The following TBC1D16 variants were observed in gnomAD, a reference collection of about 807,000 sequenced individuals.
TBC1D16 encodes CTD-2529O21.1.
TBC1D16 carries 58 observed loss-of-function variants against 74.7 expected under a neutral mutation model. The ratio of observed to expected loss-of-function variants is 0.78; its 90% CI spans 0.63 to 0.97. The LOEUF is 0.97. TBC1D16 is among the 50% of genes least tolerant of loss of function. TBC1D16 has a pLI of 0.00. For synonymous variants in TBC1D16, 493 were observed against 474.7 expected, an observed-to-expected ratio of 1.04 and a Z score of -0.50; for missense variants, 1,014 against 1,079.5, an observed-to-expected ratio of 0.94 and a Z score of 0.85.
chr17:79,947,797 C>T lies in TBC1D16; in HGVS notation c.1576G>A (p.Ala526Thr), dbSNP rs768293403. The change falls in exon 9 of 12, where the codon GCC becomes ACC. Residue 526 changes from alanine (A) to threonine (T), a missense_variant. Physicochemically the swap from Ala to Thr is moderately conservative, Grantham distance 58. Transcript: ENST00000310924. ...ILLNYAVYNP[A>T]VGYSQGMSDL... ...GACATCCCTTGGGAATAGCCGACGG[C>T]AGGGTTGTACACGGCGTAGTTCAGC... The T allele has an allele frequency of 6.2e-7, 1 of 1,613,732 alleles. No individual in the cohort carries two copies. Among genetic ancestry groups the T allele is most frequent in the South Asian group, 1.1e-5 (1 of 91,086 alleles).
chr17:79,955,243 G>A (rs2033282751), intron 3 of TBC1D16, among the ~76,000 whole-genome samples: 1 of 152,142 alleles, frequency 6.6e-6, no homozygotes, highest in Non-Finnish European at 1.5e-5. Flanking sequence ...ACCTCAGTTC[G>A]CTTTCATTGG....
chr17:79,960,255 A>G (rs2033532814), intron 3 of TBC1D16, among the ~76,000 whole-genome samples: 1 of 152,200 alleles, frequency 6.6e-6, no homozygotes, highest in South Asian at 2.1e-4. Flanking sequence ...AAGGTCCTCA[A>G]AACAGTAATA....
At chr17:80,030,561 T>G (rs2036740805) in intron 1 of TBC1D16, among the ~76,000 whole-genome samples, 1 of 152,070 alleles carries the variant, frequency 6.6e-6, no homozygotes, top group South Asian at 2.1e-4. Context: ...CTCCTGGAGG[T>G]AGCCTGGAGC....
rs2032920667 is a variant in TBC1D16 at position 79,950,072 on chromosome 17, G to A, written c.1258-207C>T. On this transcript the variant is annotated intron_variant, in intron 6 of 11. Coordinates refer to ENST00000310924, the MANE Select transcript of TBC1D16 (RefSeq NM_019020.4). This position sits in a 1 kb window ranked among gnomAD's most constrained non-coding sequence, Gnocchi z 4.6. Reference sequence around the variant, plus strand: ...TCATTTCAATGTCAATGCCCCCCCTGGGGTGGCGCTCAGATTAACGTGTCG... The same window carrying A: ...TCATTTCAATGTCAATGCCCCCCCTAGGGTGGCGCTCAGATTAACGTGTCG... Among the ~76,000 whole-genome samples, 1 of 152,162 alleles carries A rather than the reference G, an allele frequency of 6.6e-6. No individual in the cohort carries two copies. Among genetic ancestry groups the A allele is most frequent in the Admixed American group, 6.5e-5 (1 of 15,272 alleles).
chr17:80,023,657 G>GCCCCCCC (rs200450567), intron 1 of TBC1D16, among the ~76,000 whole-genome samples: 10 of 144,246 alleles, frequency 6.9e-5, no homozygotes, highest in African/African-American at 2.8e-4. Context: ...CTGCTGCCGG[G>GCCCCCCC]CCCCCCCCCA....
Position 79,942,209 on chromosome 17 carries a change from G to T in TBC1D16, c.1909-3C>A. The T allele has an allele frequency of 6.3e-7, 1 of 1,585,374 alleles. No homozygotes were observed. On this transcript the variant is annotated splice_region_variant and splice_polypyrimidine_tract_variant and intron_variant, in intron 10 of 11. Coordinates refer to ENST00000310924, the MANE Select transcript of TBC1D16 (RefSeq NM_019020.4). ...ATGAAAAGGTGGAAGTAGTCCGTCT[G>T]TGGAGGCGGGTAGAGTTCAGACACG...
intron 3 of TBC1D16, among the ~76,000 whole-genome samples, chr17:79,978,290 G>A (rs940965062): frequency 6.6e-5 from 10 of 152,372 alleles, no homozygotes; most frequent in African/African-American, 1.4e-4. Context: ...CAGGGTCTCC[G>A]CTCCGGCGAT....
rs1568580519 is a variant in TBC1D16 at position 79,950,656 on chromosome 17, A to G, written c.1090-78T>C. On this transcript the variant is annotated intron_variant, in intron 5 of 11. Transcript: ENST00000310924. This position sits in a 1 kb window ranked among gnomAD's most constrained non-coding sequence, Gnocchi z 4.6. ...GAGGCCAGCAGTGCTTTTCCCAGGAATAAAAGCCTCTCTCTCTTCTGAAAG... is the reference window on the plus strand; with the variant it reads ...GAGGCCAGCAGTGCTTTTCCCAGGAGTAAAAGCCTCTCTCTCTTCTGAAAG... 9 of 1,564,324 alleles carry G rather than the reference A, an allele frequency of 5.8e-6. No individual in the cohort carries two copies. The highest frequency in any genetic ancestry group is 1.9e-5 in the Admixed American group (1 of 51,530).
rs1005671183 is a variant in TBC1D16, at chr17:79,975,403, C to A, written c.780-22585G>T. On this transcript the variant is annotated intron_variant, in intron 3 of 11. Transcript: ENST00000310924. The surrounding 1 kb of genome is among the most constrained non-coding windows in gnomAD (Gnocchi z 4.5). ...AGCTGGCTGTGAGGTTTCCTGGGAACCCTTGCCTCCTACATGGCCTACTTA... is the reference window on the plus strand; with the variant it reads ...AGCTGGCTGTGAGGTTTCCTGGGAAACCTTGCCTCCTACATGGCCTACTTA... Among the ~76,000 whole-genome samples the A allele has an allele frequency of 2.0e-5, 3 of 152,190 alleles. No individual in the cohort carries two copies. The highest frequency in any genetic ancestry group is 7.2e-5 in the African/African-American group (3 of 41,434).
rs1435528146 is a variant in TBC1D16 at position 79,987,177 on chromosome 17, G to A, written c.779+22983C>T. Reference sequence around the variant, plus strand: ...CCTCATCCCAAACTCAAGCACTGGAGAAAATTGTTCCAGAGCGTCTCGGTC... The same window carrying A: ...CCTCATCCCAAACTCAAGCACTGGAAAAAATTGTTCCAGAGCGTCTCGGTC... On this transcript the variant is annotated intron_variant, in intron 3 of 11. Transcript: ENST00000310924. This position sits in a 1 kb window ranked among gnomAD's most constrained non-coding sequence, Gnocchi z 5.2. Among the ~76,000 whole-genome samples the A allele has an allele frequency of 1.3e-5, 2 of 152,106 alleles. No individual in the cohort carries two copies. Among genetic ancestry groups the A allele is most frequent in the South Asian group, 2.1e-4 (1 of 4,814 alleles).
rs2036980452 is a variant in TBC1D16, at chr17:80,035,750, C to T, written c.-63+45G>A. 1 of 147,288 alleles carries T rather than the reference C, an allele frequency of 6.8e-6. No individual in the cohort carries two copies. The highest frequency in any genetic ancestry group is 6.7e-5 in the Admixed American group (1 of 14,848). The allele number at this position is 147,288 out of a possible 1,614,324, so 9.1% of individuals were successfully genotyped here. ...GGCGCTGCTCGCTGCGCGGTGGACC[C>T]CTCGGACCCCGCCCCCGCGGCCCCG... On this transcript the variant is annotated intron_variant, in intron 1 of 11. Transcript: ENST00000310924. This position sits in a 1 kb window ranked among gnomAD's most constrained non-coding sequence, Gnocchi z 5.3.
At chr17:80,028,598 C>A (rs1568653537) in intron 1 of TBC1D16, among the ~76,000 whole-genome samples, 1 of 151,270 alleles carries the variant, frequency 6.6e-6, no homozygotes, top group Non-Finnish European at 1.5e-5. Context: ...TGATTCTAAA[C>A]CATCAGACCG....
intron 1 of TBC1D16, among the ~76,000 whole-genome samples, chr17:80,016,331 G>A (rs1027460511): frequency 4.6e-5 from 7 of 152,128 alleles, no homozygotes; most frequent in Non-Finnish European, 8.8e-5. Context: ...GCGTCCTGGA[G>A]GTGGACAGTG....
rs2034088493 is a variant in TBC1D16 at position 79,971,206 on chromosome 17, A to G, written c.780-18388T>C. Among the ~76,000 whole-genome samples the G allele has an allele frequency of 6.6e-6, 1 of 152,014 alleles. No individual in the cohort carries two copies. Reference sequence around the variant, plus strand: ...CCCGGCTAATTTGTGTATTTTTAGTAGAGATGGGGTTTCACCATGTTGGCC... The same window carrying G: ...CCCGGCTAATTTGTGTATTTTTAGTGGAGATGGGGTTTCACCATGTTGGCC... On this transcript the variant is annotated intron_variant, in intron 3 of 11. Transcript: ENST00000310924. This position sits in a 1 kb window ranked among gnomAD's most constrained non-coding sequence, Gnocchi z 4.6.
At chr17:80,014,259 A>T (rs1296775741) in intron 1 of TBC1D16, among the ~76,000 whole-genome samples, 1 of 152,184 alleles carries the variant, frequency 6.6e-6, no homozygotes, top group African/African-American at 2.4e-5. Flanking sequence ...CGGGAGGCTA[A>T]GGCAGGTGAA....
chr17:79,987,750 A>T lies in TBC1D16; in HGVS notation c.779+22410T>A, dbSNP rs2034897536. Among the ~76,000 whole-genome samples, 1 of 152,000 alleles carries T rather than the reference A, an allele frequency of 6.6e-6. No individual in the cohort carries two copies. The highest frequency in any genetic ancestry group is 2.4e-5 in the African/African-American group (1 of 41,384). On this transcript the variant is annotated intron_variant, in intron 3 of 11. Transcript: ENST00000310924. This position sits in a 1 kb window ranked among gnomAD's most constrained non-coding sequence, Gnocchi z 5.2. ...GGAGCTGGTTCTCAGGGAAAAGGGA[A>T]TTAAGTCAGTACTGGGAGATTTGGG...
rs541299779 is a variant in TBC1D16 at position 80,026,732 on chromosome 17, A to G, written c.-63+9063T>C. Among the ~76,000 whole-genome samples, 6 of 149,984 alleles carry G rather than the reference A, an allele frequency of 4.0e-5. No individual in the cohort carries two copies. In the South Asian group the frequency reaches 1.3e-3, roughly 31 times the overall value. On this transcript the variant is annotated intron_variant, in intron 1 of 11. Coordinates refer to ENST00000310924, the MANE Select transcript of TBC1D16 (RefSeq NM_019020.4). Reference sequence around the variant, plus strand: ...ACTTTGAATGGCCCTTGCCCACAGCAGTGTGGAGCAGTTGATGCCCATGAC... The same window carrying G: ...ACTTTGAATGGCCCTTGCCCACAGCGGTGTGGAGCAGTTGATGCCCATGAC...
At chr17:80,027,537 G>C (rs773610036) in intron 1 of TBC1D16, among the ~76,000 whole-genome samples, 6 of 152,034 alleles carry the variant, frequency 3.9e-5, no homozygotes, top group Non-Finnish European at 7.4e-5. Context: ...AGTTGAGGCT[G>C]CAATGAGCTG....
At chr17:79,960,642 G>T (rs1411467959) in intron 3 of TBC1D16, among the ~76,000 whole-genome samples, 1 of 151,658 alleles carries the variant, frequency 6.6e-6, no homozygotes, top group African/African-American at 2.4e-5. Flanking sequence ...TGTTATCCCA[G>T]CTACTCCAGA....
Sources: gnomAD v4.1 joint callset for allele counts (sites outside exome capture counted in the v4.1 genomes callset) on GRCh38, gnomAD v4.1.1 for gene constraint, Gnocchi (gnomAD v3.1) non-coding constraint, MANE v1.5 for transcripts, NCBI Gene and HGNC (gene_info 2026-07-23, HGNC 2026-07-21) for gene names.